Variants in CALCOCO2 observed in about 807,000 individuals in gnomAD.
CALCOCO2 encodes the protein calcium-binding and coiled-coil domain-containing protein 2.
Under a neutral mutation model 62.5 loss-of-function variants are expected in CALCOCO2, and 42 were observed. That is an observed-to-expected ratio of 0.67 (90% CI 0.53 to 0.87). The LOEUF (loss-of-function observed/expected upper bound fraction) is 0.87. CALCOCO2 is among the 40% of genes least tolerant of loss of function. The probability of loss-of-function intolerance (pLI) is 0.00; values close to 1 mark genes in which losing one functional copy is unlikely to be tolerated. For synonymous variants in CALCOCO2, 167 were observed against 173.0 expected, an observed-to-expected ratio of 0.97 and a Z score of 0.27; for missense variants, 456 against 515.0, an observed-to-expected ratio of 0.89 and a Z score of 1.11.
chr17:48,849,167 A>G, intron 4 of CALCOCO2, 85 bp from the exon 5 acceptor site: 1 of 1,325,072 alleles, frequency 7.5e-7, no homozygotes, highest in Non-Finnish European at 1.1e-6. Flanking sequence ...GTGAATGGGA[A>G]TCAGCCAGTC....
At chr17:48,836,501 T>G (rs78270829) in intron 1 of CALCOCO2, among the ~76,000 whole-genome samples, 1,991 of 152,340 alleles carry the variant, frequency 0.013, 18 homozygotes, top group Non-Finnish European at 0.019. Flanking sequence ...TGTGCATATC[T>G]TGTTAGTTCA....
intron 1 of CALCOCO2, among the ~76,000 whole-genome samples, chr17:48,834,224 A>G (rs1337360905): frequency 1.3e-5 from 2 of 151,584 alleles, no homozygotes; most frequent in South Asian, 2.1e-4. Flanking sequence ...GGAGTAGTAT[A>G]TTAGGCTTGA....
intron 5 of CALCOCO2, among the ~76,000 whole-genome samples, chr17:48,850,299 A>C (rs541347817): frequency 6.6e-6 from 1 of 151,300 alleles, no homozygotes; most frequent in Non-Finnish European, 1.5e-5. Flanking sequence ...ACTCTGTCTC[A>C]AAAAAAAATT....
chr17:48,858,001 A>G (rs1388523147), intron 10 of CALCOCO2, among the ~76,000 whole-genome samples: 1 of 19,974 alleles, frequency 5.0e-5, no homozygotes, highest in Admixed American at 6.0e-4. Context: ...ATAGAATAGA[A>G]TAGAATAGAA....
intron 5 of CALCOCO2, chr17:48,850,846 C>T (rs569399048): frequency 4.6e-5 from 11 of 237,332 alleles, no homozygotes; most frequent in East Asian, 3.9e-4. Context: ...TGAACCCGGG[C>T]GACAGAGGTT....
chr17:48,844,866 G>A (rs2040024893), intron 2 of CALCOCO2, among the ~76,000 whole-genome samples: 1 of 152,170 alleles, frequency 6.6e-6, no homozygotes. Flanking sequence ...TTGTCCAGGT[G>A]CGGTGGCTCA....
At chr17:48,856,869 G>A (rs1349576973) in intron 10 of CALCOCO2, among the ~76,000 whole-genome samples, 1 of 151,422 alleles carries the variant, frequency 6.6e-6, no homozygotes, top group Non-Finnish European at 1.5e-5. Flanking sequence ...CACAAGCTTG[G>A]CTCACTGCAG....
chr17:48,851,421 A>G (rs1397451212), intron 6 of CALCOCO2, 138 bp from the exon 7 acceptor site: 1 of 647,234 alleles, frequency 1.5e-6, no homozygotes, highest in Non-Finnish European at 2.8e-6. Context: ...GGAAGCCAAA[A>G]CAGGACTGCA....
chr17:48,844,454 G>A lies in CALCOCO2; in HGVS notation c.180+2567G>A, dbSNP rs187220188. ...TCACCATATATCATATGAAAATCTTGGGCGTTTTTCTTTTTTTAAGATGGA... is the reference window on the plus strand; with the variant it reads ...TCACCATATATCATATGAAAATCTTAGGCGTTTTTCTTTTTTTAAGATGGA... On this transcript the variant is annotated intron_variant, in intron 2 of 12. Transcript: ENST00000258947. Among the ~76,000 whole-genome samples the A allele has an allele frequency of 3.6e-3, 550 of 151,848 alleles. 11 individuals carry two copies. Among genetic ancestry groups the A allele is most frequent in the Non-Finnish European group, 3.4e-3 (231 of 67,960 alleles).
chr17:48,855,380 C>T (rs188505263), intron 9 of CALCOCO2, among the ~76,000 whole-genome samples: 166 of 152,230 alleles, frequency 1.1e-3, no homozygotes, highest in Middle Eastern at 3.4e-3. Flanking sequence ...ACCTCAGGGT[C>T]GGCTAGACAT....
At chr17:48,852,690 G>C in intron 8 of CALCOCO2, 62 bp downstream of exon 8, 1 of 1,490,472 alleles carries the variant, frequency 6.7e-7, no homozygotes. Context: ...GTTGTTCTTT[G>C]TATAAAGAAC....
chr17:48,842,621 A>AAAACAAT (rs1249906993), intron 2 of CALCOCO2: 20 of 73,526 alleles, frequency 2.7e-4, no homozygotes, highest in African/African-American at 1.3e-3. Flanking sequence ...ACAGGTATGC[A>AAAACAAT]GAACAATGCC....
In CALCOCO2 at chr17:48,848,434, C is replaced by T. The variant is rs1045088336; in HGVS notation, c.396C>T (p.Asp132=). ...AATTCCGTCCAGAAAATGAGGAAGACATCCTGGTTGTTACCACTCAGGTTT... is the reference window on the plus strand; with the variant it reads ...AATTCCGTCCAGAAAATGAGGAAGATATCCTGGTTGTTACCACTCAGGTTT... The part of the protein sequence containing the change: ...PFQFRPENEE[D]ILVVTTQGEV... The change falls in exon 4 of 13, where the codon GAC becomes GAT. Residue 132 remains aspartate (D), a synonymous_variant. Transcript: ENST00000258947. 1 of 1,613,856 alleles carries T rather than the reference C, an allele frequency of 6.2e-7. No individual in the cohort carries two copies. The highest frequency in any genetic ancestry group is 1.3e-5 in the African/African-American group (1 of 74,916).
At chr17:48,862,352 T>C (rs1001959938) in intron 12 of CALCOCO2, 48 bp downstream of exon 12, 11 of 1,309,934 alleles carry the variant, frequency 8.4e-6, no homozygotes, top group Non-Finnish European at 1.1e-5. Context: ...CTTGAAAATT[T>C]CCCTTCCTGC....
intron 10 of CALCOCO2, among the ~76,000 whole-genome samples, chr17:48,858,046 A>ATAGAATAGAATAGAGAATAG: frequency 2.5e-5 from 1 of 40,038 alleles, no homozygotes; most frequent in Non-Finnish European, 4.9e-5. Context: ...ATAGAATAGA[A>ATAGAATAGAATAGAGAATAG]AATAGAATAG....
At chr17:48,841,495 CA>C (rs1423711766) in intron 1 of CALCOCO2, 6 of 450,612 alleles carry the variant, frequency 1.3e-5, no homozygotes, top group Non-Finnish European at 2.0e-5. Flanking sequence ...AAGATATTGT[CA>C]GAAAATTCTC....
chr17:48,836,220 A>G (rs2039888554), intron 1 of CALCOCO2, among the ~76,000 whole-genome samples: 1 of 152,042 alleles, frequency 6.6e-6, no homozygotes, highest in South Asian at 2.1e-4. Context: ...AAGGAAATCA[A>G]ATCTGTTCCT....
At chr17:48,855,939 A>G in intron 9 of CALCOCO2, 153 bp from the exon 10 acceptor site, 1 of 370,716 alleles carries the variant, frequency 2.7e-6, no homozygotes, top group Non-Finnish European at 4.9e-6. Context: ...ACTTTAATTT[A>G]GCACCCTGCC....
chr17:48,847,359 A>T (rs1342229662), intron 2 of CALCOCO2, among the ~76,000 whole-genome samples: 1 of 152,158 alleles, frequency 6.6e-6, no homozygotes, highest in East Asian at 1.9e-4. Flanking sequence ...AGTCCAAAGA[A>T]TGCCATTGTA....
Sources: gnomAD v4.1 joint callset for allele counts (sites outside exome capture counted in the v4.1 genomes callset) on GRCh38, gnomAD v4.1.1 for gene constraint, MANE v1.5 for transcripts, NCBI Gene and HGNC (gene_info 2026-07-23, HGNC 2026-07-21) for gene names.